Variants in SART1 observed in about 807,000 individuals in gnomAD.
SART1 encodes the protein U4/U6.U5 tri-snRNP-associated protein 1.
Under a neutral mutation model 105.0 loss-of-function variants are expected in SART1, and 28 were observed. That is an observed-to-expected ratio of 0.27 (90% CI 0.20 to 0.37). SART1 has a LOEUF of 0.37. SART1 is among the 10% of genes least tolerant of loss of function. SART1 has a pLI of 1.00. For missense variants in SART1, 894 were observed against 1,106.5 expected (o/e 0.81, Z 2.72); for synonymous variants, 472 against 462.9 (o/e 1.02, Z -0.25).
intron 8 of SART1, 50 bp from the exon 9 acceptor site, chr11:65,966,300 G>A: frequency 6.2e-7 from 1 of 1,613,812 alleles, no homozygotes; most frequent in Non-Finnish European, 8.5e-7. Context: ...GTGGCTCAGT[G>A]GCTTTTCAGG....
intron 6 of SART1, 23 bp downstream of exon 6, chr11:65,965,802 A>G: frequency 6.2e-7 from 1 of 1,613,740 alleles, no homozygotes; most frequent in Non-Finnish European, 8.5e-7. Context: ...CAGGGGTGGT[A>G]CAGGGGACAC....
At chr11:65,963,309 C>T (rs555942493) in intron 1 of SART1, among the ~76,000 whole-genome samples, 2 of 152,132 alleles carry the variant, frequency 1.3e-5, no homozygotes, top group African/African-American at 2.4e-5. Context: ...CACAGGAGAT[C>T]AAGCAAAACC....
chr11:65,962,520 CG>C (rs1855168315), intron 1 of SART1, among the ~76,000 whole-genome samples: 1 of 152,114 alleles, frequency 6.6e-6, no homozygotes, highest in South Asian at 2.1e-4. Flanking sequence ...TTGGACGAAT[CG>C]TGTAGGGCGC....
chr11:65,978,732 G>A lies in SART1; in HGVS notation c.2262+43G>A. ...TGTGGGGGGCCCTGTGCCTGCCGGGGCAGGGGTGGCTGGTGTGTGGGGCCT... is the reference window on the plus strand; with the variant it reads ...TGTGGGGGGCCCTGTGCCTGCCGGGACAGGGGTGGCTGGTGTGTGGGGCCT... On this transcript the variant is annotated intron_variant, in intron 18 of 19. Transcript: ENST00000312397. This position sits in a 1 kb window ranked among gnomAD's most constrained non-coding sequence, Gnocchi z 6.8. 5 of 1,613,778 alleles carry A rather than the reference G, an allele frequency of 3.1e-6. No individual in the cohort carries two copies. Among genetic ancestry groups the A allele is most frequent in the Non-Finnish European group, 4.2e-6 (5 of 1,179,786 alleles).
At position 65,964,972 on chromosome 11, in the gene SART1, GTTCC is replaced by G. The variant is rs1299237343; in HGVS notation, c.428-114_428-111del. On this transcript the variant is annotated intron_variant, in intron 3 of 19. Coordinates refer to ENST00000312397, the MANE Select transcript of SART1 (RefSeq NM_005146.5). The stretch of plus-strand genomic sequence containing the variant: ...AGTGGGAGCAGGGAGGTGAAGGATT[GTTCC>G]TTCCTGTCCTGACCCCTTCTGGCCC... 3.9e-6 allele frequency: 5 copies of G among 1,290,564 alleles called. No individual in the cohort carries two copies. The Admixed American group carries it at 8.9e-5, about 23-fold the overall frequency. The allele number at this position is 1,290,564 out of a possible 1,614,324, so 79.9% of individuals were successfully genotyped here.
chr11:65,965,053 A>G (rs764148984), intron 3 of SART1, 39 bp from the exon 4 acceptor site: 3 of 1,539,734 alleles, frequency 1.9e-6, no homozygotes, highest in South Asian at 2.5e-5. Flanking sequence ...CCCACCAGCC[A>G]TGGGCGGGCA....
chr11:65,967,911 G>T, intron 12 of SART1, 90 bp downstream of exon 12: 7 of 1,011,292 alleles, frequency 6.9e-6, no homozygotes, highest in Non-Finnish European at 8.2e-6. Context: ...ATTCCTGTCT[G>T]AAGCCTCTTT....
chr11:65,979,155 C>A lies in SART1; in HGVS notation c.*125C>A. 7.9e-7 allele frequency: 1 copy of A among 1,258,330 alleles called. No individual in the cohort carries two copies. Among genetic ancestry groups the A allele is most frequent in the Non-Finnish European group, 1.1e-6 (1 of 884,292 alleles). 77.9% of individuals were successfully genotyped at this position (1,258,330 alleles called of 1,614,324 possible). Reference sequence around the variant, plus strand: ...TCTTTGGTTGGGTGTGGCACAGAGTCTGGCTCCTGCTAGGTGAGACCTGGC... The same window carrying A: ...TCTTTGGTTGGGTGTGGCACAGAGTATGGCTCCTGCTAGGTGAGACCTGGC... On this transcript the variant is annotated 3_prime_UTR_variant, in exon 20 of 20. Transcript: ENST00000312397.
chr11:65,961,986 G>A lies in SART1; in HGVS notation c.206G>A (p.Gly69Glu). 3 of 1,520,696 alleles carry A rather than the reference G, an allele frequency of 2.0e-6. No homozygotes were observed. Among genetic ancestry groups the A allele is most frequent in the Non-Finnish European group, 2.6e-6 (3 of 1,137,766 alleles). The allele number at this position is 1,520,696 out of a possible 1,614,324, so 94.2% of individuals were successfully genotyped here. A position where few individuals can be genotyped will look rare whatever the true frequency, so the allele number is the denominator to read the frequency against. Residue 69 changes from glycine to glutamate, a missense_variant, in exon 1 of 20, where the codon GGG becomes GAG. Gly to Glu is a moderately conservative substitution (Grantham distance 98). This residue lies in a region of SART1 where 712 missense variants were observed against 778.2 expected (regional missense o/e 0.91). Coordinates refer to ENST00000312397, the MANE Select transcript of SART1 (RefSeq NM_005146.5). Reference sequence around the variant, plus strand: ...GGCGAGCGCGGGAGCGGGCGGCGCGGGGCCGAAGCTGAGGCCCGGAGCAGC... The same window carrying A: ...GGCGAGCGCGGGAGCGGGCGGCGCGAGGCCGAAGCTGAGGCCCGGAGCAGC... ...RGGERGSGRR[G>E]AEAEARSSTH...
chr11:65,970,038 A>G (rs946021948), intron 12 of SART1, among the ~76,000 whole-genome samples: 4 of 152,164 alleles, frequency 2.6e-5, no homozygotes, highest in Non-Finnish European at 4.4e-5. Flanking sequence ...AAGGTTTTTT[A>G]AACATATGAG....
intron 11 of SART1, 27 bp downstream of exon 11, chr11:65,967,613 G>T (rs1170850747): frequency 1.2e-6 from 2 of 1,607,878 alleles, no homozygotes; most frequent in Admixed American, 1.7e-5. Flanking sequence ...GGGGTGGGAG[G>T]GGCAGGGACA....
At position 65,966,070 on chromosome 11, in the gene SART1, C is replaced by T. The variant is rs1855248549; in HGVS notation, c.839-6C>T. ...GTGAATGGCCACTGCTCTGTGCTGC[C>T]CCCAGGCGTGCTGCAGGAGGAGGAG... On this transcript the variant is annotated splice_region_variant and splice_polypyrimidine_tract_variant and intron_variant, in intron 7 of 19. Coordinates refer to ENST00000312397, the MANE Select transcript of SART1 (RefSeq NM_005146.5). 1.2e-6 allele frequency: 2 copies of T among 1,613,730 alleles called. No homozygotes were observed. The highest frequency in any genetic ancestry group is 1.7e-6 in the Non-Finnish European group (2 of 1,179,936).
chr11:65,966,275 G>T lies in SART1; in HGVS notation c.981+57G>T, dbSNP rs1377225570. On this transcript the variant is annotated intron_variant, in intron 8 of 19. Coordinates refer to ENST00000312397, the MANE Select transcript of SART1 (RefSeq NM_005146.5). ...TGAGGTGGAGAATGTCGGGAATGGG[G>T]GCTCTGAGGAGGTGGTGGCTCAGTG... 3 of 1,613,768 alleles carry T rather than the reference G, an allele frequency of 1.9e-6. No homozygotes were observed. In the African/African-American group the frequency reaches 4.0e-5, roughly 22 times the overall value.
intron 12 of SART1, 131 bp downstream of exon 12, chr11:65,967,952 T>G (rs1855296256): frequency 1.5e-5 from 7 of 473,748 alleles, no homozygotes; most frequent in South Asian, 5.5e-5. Flanking sequence ...TGGGTTTGTT[T>G]TTTTTTTTTT....
At chr11:65,972,660 C>T (rs988120591) in intron 12 of SART1, among the ~76,000 whole-genome samples, 3 of 151,678 alleles carry the variant, frequency 2.0e-5, no homozygotes, top group Non-Finnish European at 2.9e-5. Context: ...TCAGCTACGC[C>T]GGAGGCTAAG....
chr11:65,977,144 C>G, intron 15 of SART1, 43 bp downstream of exon 15: 2 of 1,465,464 alleles, frequency 1.4e-6, no homozygotes, highest in Non-Finnish European at 1.9e-6. Flanking sequence ...GGCTTGGGTG[C>G]TGCTGCAGGT....
chr11:65,976,361 T>C lies in SART1; in HGVS notation c.1573-34T>C, dbSNP rs1239578051. 6.7e-7 allele frequency: 1 copy of C among 1,490,838 alleles called. No homozygotes were observed. The highest frequency in any genetic ancestry group is 1.4e-5 in the African/African-American group (1 of 70,912). The allele number at this position is 1,490,838 out of a possible 1,614,324, so 92.4% of individuals were successfully genotyped here. On this transcript the variant is annotated intron_variant, in intron 12 of 19. Transcript: ENST00000312397. The surrounding 1 kb of genome is among the most constrained non-coding windows in gnomAD (Gnocchi z 5.1). ...GTCTCAATGGCATCACCCCAGAAAC[T>C]GCTGGGTTTGCCCACAGCCGCTCCC...
chr11:65,969,715 T>G (rs1308738977), intron 12 of SART1, among the ~76,000 whole-genome samples: 2 of 151,702 alleles, frequency 1.3e-5, no homozygotes, highest in African/African-American at 4.9e-5. Context: ...AGGCCTGGTG[T>G]AGCCTAGAAA....
chr11:65,974,198 TAAAAAAAAAAAAA>T (rs1168176073), intron 12 of SART1, among the ~76,000 whole-genome samples: 5 of 69,348 alleles, frequency 7.2e-5, no homozygotes, highest in Non-Finnish European at 1.0e-4. Context: ...CCCTCTCTAC[TAAAAAAAAAAAAA>T]AAAAAAAAAA....
Sources: gnomAD v4.1 joint callset for allele counts (sites outside exome capture counted in the v4.1 genomes callset) on GRCh38, gnomAD v4.1.1 for gene constraint, gnomAD v4.1.1 regional missense constraint, Gnocchi (gnomAD v3.1) non-coding constraint, MANE v1.5 for transcripts, NCBI Gene and HGNC (gene_info 2026-07-23, HGNC 2026-07-21) for gene names.